RBFOX2: variants seen among roughly 807,000 people sequenced by gnomAD.
The protein encoded by RBFOX2 is RNA binding fox-1 homolog 2, also known as RNA binding protein fox-1 homolog 2.
Under a neutral mutation model 49.1 loss-of-function variants are expected in RBFOX2, and 10 were observed. That is an observed-to-expected ratio of 0.20 (90% CI 0.13 to 0.35). The LOEUF (loss-of-function observed/expected upper bound fraction) is 0.35, where lower values mean the gene tolerates loss of function less well. Ranked by LOEUF, RBFOX2 falls within the 10% of genes least tolerant of loss-of-function variation. RBFOX2 has a pLI of 1.00. For missense variants in RBFOX2, 323 were observed against 486.9 expected (o/e 0.66, Z 3.17); for synonymous variants, 183 against 187.4 (o/e 0.98, Z 0.19).
upstream of RBFOX2, among the ~76,000 whole-genome samples, chr22:35,840,751 T>C (rs767461035): frequency 1.3e-5 from 2 of 152,198 alleles, no homozygotes; most frequent in African/African-American, 2.4e-5. Context: ...GAAGCATTCA[T>C]AGCAGCTTAC....
At chr22:36,018,143 G>A (rs141400487) in intron 1 of RBFOX2, among the ~76,000 whole-genome samples, 78 of 152,316 alleles carry the variant, frequency 5.1e-4, no homozygotes, top group African/African-American at 1.8e-3. Context: ...CTTGGGCCCA[G>A]GCATGGTGCT....
intron 1 of RBFOX2, among the ~76,000 whole-genome samples, chr22:36,012,363 A>G (rs577814452): frequency 1.3e-5 from 2 of 152,320 alleles, no homozygotes; most frequent in African/African-American, 2.4e-5. Context: ...TTCAGCTGAA[A>G]CATGGGAAGA....
At chr22:35,900,895 C>T (rs2048484939) in intron 1 of RBFOX2, among the ~76,000 whole-genome samples, 1 of 152,180 alleles carries the variant, frequency 6.6e-6, no homozygotes, top group African/African-American at 2.4e-5. Flanking sequence ...GCAGCAGTAG[C>T]GACTCATGGG....
chr22:35,850,432 G>A (rs2148967970), intron 1 of RBFOX2, among the ~76,000 whole-genome samples: 1 of 152,234 alleles, frequency 6.6e-6, no homozygotes, highest in Non-Finnish European at 1.5e-5. Flanking sequence ...GGCAGGATCA[G>A]CACTAGAAAA....
chr22:35,886,513 C>A (rs1407011976), intron 1 of RBFOX2, among the ~76,000 whole-genome samples: 3 of 152,134 alleles, frequency 2.0e-5, no homozygotes, highest in Non-Finnish European at 2.9e-5. Flanking sequence ...ATAGAGTGTA[C>A]TTACATAAAC....
At chr22:36,013,011 G>A (rs1197150675) in intron 1 of RBFOX2, among the ~76,000 whole-genome samples, 1 of 152,138 alleles carries the variant, frequency 6.6e-6, no homozygotes. Flanking sequence ...TGATTCGCCC[G>A]CCTCGGCTTC....
At chr22:35,906,502 C>A (rs901057148) in intron 1 of RBFOX2, among the ~76,000 whole-genome samples, 1 of 152,070 alleles carries the variant, frequency 6.6e-6, no homozygotes, top group Admixed American at 6.6e-5. Flanking sequence ...TTAAATATTT[C>A]ACACATACTT....
chr22:36,017,056 A>T (rs1192617515), intron 1 of RBFOX2, among the ~76,000 whole-genome samples: 1 of 152,204 alleles, frequency 6.6e-6, no homozygotes. Flanking sequence ...GTGAAGTCGG[A>T]GGGGAGAACA....
chr22:35,985,089 A>G (rs748230923), intron 1 of RBFOX2, among the ~76,000 whole-genome samples: 7 of 152,234 alleles, frequency 4.6e-5, no homozygotes, highest in Non-Finnish European at 1.0e-4. Flanking sequence ...TGGCTGTTCC[A>G]AAGTAGACTC....
chr22:36,002,274 T>C (rs984534035), intron 1 of RBFOX2, among the ~76,000 whole-genome samples: 4 of 152,190 alleles, frequency 2.6e-5, no homozygotes, highest in African/African-American at 9.7e-5. Flanking sequence ...TTCTTGTGCT[T>C]ATCTTATGCA....
chr22:35,874,660 T>C (rs1194852465), intron 1 of RBFOX2, among the ~76,000 whole-genome samples: 1 of 152,220 alleles, frequency 6.6e-6, no homozygotes, highest in East Asian at 1.9e-4. Context: ...ATCTCTGTTT[T>C]ACTGATAAAT....
rs1452200808 is a variant in RBFOX2, at chr22:35,762,875, A to G, written c.608-1407T>C. Among the ~76,000 whole-genome samples, 4 of 152,336 alleles carry G rather than the reference A, an allele frequency of 2.6e-5. No individual in the cohort carries two copies. In the South Asian group the frequency reaches 8.3e-4, roughly 32 times the overall value. On this transcript the variant is annotated intron_variant, in intron 6 of 11. Coordinates refer to ENST00000405409, the Ensembl canonical transcript of RBFOX2. ...ATGACTGTAAGCAAGACATTATTCA[A>G]GTGAAAACCTATTCACTCTGATTCA...
intron 4 of RBFOX2, among the ~76,000 whole-genome samples, chr22:35,773,047 AG>A (rs993334993): frequency 2.7e-5 from 4 of 150,400 alleles, no homozygotes; most frequent in African/African-American, 9.8e-5. Context: ...TGGTAACAAA[AG>A]AAAAAAAAAA....
chr22:35,840,733 T>C, upstream of RBFOX2: 1 of 529,732 alleles, frequency 1.9e-6, no homozygotes, highest in Non-Finnish European at 2.4e-6. Flanking sequence ...ATTAATTATA[T>C]AGCACTGGAA....
chr22:35,781,704 T>A, exon 3 of RBFOX2: 3 of 1,614,214 alleles, frequency 1.9e-6, no homozygotes, highest in Non-Finnish European at 2.5e-6. Context: ...CTACTTTGTG[T>A]CTGTGACTGC....
At chr22:35,901,994 C>T (rs146317852) in intron 1 of RBFOX2, among the ~76,000 whole-genome samples, 6 of 152,084 alleles carry the variant, frequency 3.9e-5, no homozygotes, top group Non-Finnish European at 8.8e-5. Flanking sequence ...GCAGGAGAAT[C>T]GCTTGAACCC....
At chr22:35,986,745 C>T (rs988631344) in intron 1 of RBFOX2, among the ~76,000 whole-genome samples, 1 of 152,092 alleles carries the variant, frequency 6.6e-6, no homozygotes, top group African/African-American at 2.4e-5. Flanking sequence ...ACCCTTTCAC[C>T]CCAGTGTTTA....
rs562309614 is a variant in RBFOX2 at position 36,014,402 on chromosome 22, G to A, written c.186+13838C>T. Among the ~76,000 whole-genome samples, 17 of 152,230 alleles carry A rather than the reference G, an allele frequency of 1.1e-4. 1 individual carries two copies. The South Asian group carries it at 3.3e-3, about 30-fold the overall frequency. On this transcript the variant is annotated intron_variant, in intron 1 of 13. Coordinates refer to the RBFOX2 transcript ENST00000438146. ...TGGGATTACAAGCGTGAGCCACCGC[G>A]CCCGGCCACCTGTTATCATTTCTTA...
At chr22:35,905,411 C>T (rs1261314885) in intron 1 of RBFOX2, among the ~76,000 whole-genome samples, 2 of 152,108 alleles carry the variant, frequency 1.3e-5, no homozygotes, top group Non-Finnish European at 2.9e-5. Flanking sequence ...GATGCTGATA[C>T]CTGTGTTAAA....
Sources: allele counts gnomAD v4.1 joint callset (sites outside exome capture counted in the v4.1 genomes callset), GRCh38; gene constraint gnomAD v4.1.1; transcripts MANE v1.5; gene names NCBI Gene and HGNC (gene_info 2026-07-23, HGNC 2026-07-21).